CCNE2: variants seen among roughly 807,000 people sequenced by gnomAD.
The protein encoded by CCNE2 is G1/S-specific cyclin-E2.
CCNE2 carries 18 observed loss-of-function variants against 56.8 expected under a neutral mutation model. The observed-to-expected ratio is 0.32, with a 90% CI of 0.22 to 0.47. CCNE2 has a LOEUF of 0.47. Among genes scored for constraint, CCNE2 ranks in the 20% least tolerant of loss-of-function variants. CCNE2 has a pLI of 1.00. For missense variants in CCNE2, 371 were observed against 467.1 expected (o/e 0.79, Z 1.90); for synonymous variants, 139 against 149.2 (o/e 0.93, Z 0.50).
chr8:94,889,461 G>A (rs1466346959), intron 6 of CCNE2, among the ~76,000 whole-genome samples: 6 of 152,184 alleles, frequency 3.9e-5, no homozygotes, highest in Non-Finnish European at 2.9e-5. Context: ...TGCTTAAGTT[G>A]ATTCCATGAT....
chr8:94,893,081 A>C (rs1654303699), intron 4 of CCNE2, 112 bp from the exon 5 acceptor site: 1 of 810,474 alleles, frequency 1.2e-6, no homozygotes, highest in Admixed American at 3.7e-5. Context: ...ATTTTAGCTA[A>C]CATAGATGGC....
At chr8:94,895,389 C>A (rs530254777), upstream of CCNE2, 10 of 357,814 alleles carry the variant, frequency 2.8e-5, no homozygotes, top group Non-Finnish European at 3.5e-5. Flanking sequence ...CTCTACCGGG[C>A]CTTCTGCCCG....
In CCNE2 at chr8:94,881,494, A is replaced by G; in HGVS notation, c.*138T>C. On this transcript the variant is annotated 3_prime_UTR_variant, in exon 12 of 12. Coordinates refer to ENST00000308108, the MANE Select transcript of CCNE2 (RefSeq NM_057749.3). ...CTTTAGTGCCAATTGTAAGTTTTAA[A>G]ATCAGAATGGCAGTGTAACTTGTGA... The G allele has an allele frequency of 1.3e-6, 1 of 764,694 alleles. No individual in the cohort carries two copies. Among genetic ancestry groups the G allele is most frequent in the Non-Finnish European group, 2.1e-6 (1 of 474,860 alleles). The allele number at this position is 764,694 out of a possible 1,614,324, so 47.4% of individuals were successfully genotyped here.
rs28399576 is a variant in CCNE2, at chr8:94,884,526, T to TCTGC, written c.831+537_831+540dup. On this transcript the variant is annotated intron_variant, in intron 9 of 11. Coordinates refer to ENST00000308108, the MANE Select transcript of CCNE2 (RefSeq NM_057749.3). ...CGCCCAAACTCCTGACCTCAAGTGATCTGCCTGCCTGCCTCAGCCGCCCAA... is the reference window on the plus strand; with the variant it reads ...CGCCCAAACTCCTGACCTCAAGTGATCTGCCTGCCTGCCTGCCTCAGCCGCCCAA... 4.0e-3 allele frequency: 614 copies of TCTGC among 154,124 alleles called. 2 individuals carry two copies. The highest frequency in any genetic ancestry group is 6.2e-3 in the Non-Finnish European group (429 of 69,400). The allele number at this position is 154,124 out of a possible 1,614,324, so 9.5% of individuals were successfully genotyped here.
intron 10 of CCNE2, 100 bp from the exon 11 acceptor site, chr8:94,882,389 A>AAAG (rs1300159293): frequency 3.2e-6 from 3 of 942,196 alleles, no homozygotes; most frequent in Admixed American, 3.2e-5. Flanking sequence ...AGATATTTTA[A>AAAG]AAGAAACCAA....
chr8:94,880,502 G>T lies in CCNE2; in HGVS notation c.*1130C>A. 1 of 305,006 alleles carries T rather than the reference G, an allele frequency of 3.3e-6. No homozygotes were observed. The allele number at this position is 305,006 out of a possible 1,614,324, so 18.9% of individuals were successfully genotyped here. On this transcript the variant is annotated 3_prime_UTR_variant, in exon 12 of 12. Transcript: ENST00000308108. ...TCTAGTTTTCTAATCTACTTTATGA[G>T]GCTGGATTTTTTTTTTAGAAAAGCT...
At chr8:94,895,689 G>GCGGGGACCCGAGGGCCCGCCCCT (rs1563687745), upstream of CCNE2, 5 of 152,156 alleles carry the variant, frequency 3.3e-5, no homozygotes, top group Admixed American at 6.5e-5. Flanking sequence ...CCTGAGCGAC[G>GCGGGGACCCGAGGGCCCGCCCCT]CGGGGACCCG....
intron 5 of CCNE2, among the ~76,000 whole-genome samples, chr8:94,890,853 CA>C (rs1817215378): frequency 6.6e-6 from 1 of 152,024 alleles, no homozygotes; most frequent in South Asian, 2.1e-4. Context: ...CTCAGCCTCT[CA>C]AAGTGCTGGG....
chr8:94,892,966 A>G lies in CCNE2; in HGVS notation c.169T>C (p.Cys57Arg). The G allele has an allele frequency of 6.5e-7, 1 of 1,530,036 alleles. No homozygotes were observed. The highest frequency in any genetic ancestry group is 8.7e-7 in the Non-Finnish European group (1 of 1,152,184). 94.8% of individuals were successfully genotyped at this position (1,530,036 alleles called of 1,614,324 possible). A position where few individuals can be genotyped will look rare whatever the true frequency, so the allele number is the denominator to read the frequency against. The part of the protein sequence containing the change: ...TKKHQYEIRN[C>R]WPPVLSGGIS... ...CCCCCAGATAATACAGGTGGCCAACAATTCTGTCATAAAAAAAAAGAAAAA... is the reference window on the plus strand; with the variant it reads ...CCCCCAGATAATACAGGTGGCCAACGATTCTGTCATAAAAAAAAAGAAAAA... Residue 57 changes from cysteine (C) to arginine (R), a missense_variant, in exon 5 of 12, where the codon TGT (cysteine) becomes CGT (arginine). Transcript: ENST00000308108.
chr8:94,892,202 T>C, intron 5 of CCNE2: 1 of 405,860 alleles, frequency 2.5e-6, no homozygotes, highest in Non-Finnish European at 4.7e-6. Context: ...GTGATCACAG[T>C]CAAGAGAAGT....
In CCNE2 at chr8:94,894,014, T is replaced by A; in HGVS notation, c.111+9A>T. The stretch of plus-strand genomic sequence containing the variant: ...GAATTTCGTTCCTCCCTCTTTCTCC[T>A]TAAATCACCTGGGTAGTTTTCCTCT... On this transcript the variant is annotated intron_variant, in intron 3 of 11. Transcript: ENST00000308108. The A allele has an allele frequency of 6.2e-7, 1 of 1,613,964 alleles. No homozygotes were observed. The highest frequency in any genetic ancestry group is 8.5e-7 in the Non-Finnish European group (1 of 1,179,930).
chr8:94,883,426 A>T (rs1816909233), intron 9 of CCNE2, among the ~76,000 whole-genome samples: 1 of 152,220 alleles, frequency 6.6e-6, no homozygotes, highest in African/African-American at 2.4e-5. Flanking sequence ...GTCTTAAAAG[A>T]TAAGGGAGCC....
chr8:94,895,957 T>C (rs1049596371), upstream of CCNE2: 58 of 152,498 alleles, frequency 3.8e-4, 1 homozygote, highest in Non-Finnish European at 2.9e-5. Context: ...TCCGGCTCCC[T>C]GCTCCCCCTA....
chr8:94,890,572 ACC>A, intron 5 of CCNE2, 22 bp from the exon 6 acceptor site: 1 of 1,120,044 alleles, frequency 8.9e-7, no homozygotes, highest in Non-Finnish European at 1.2e-6. Flanking sequence ...GAGGAAAAAA[ACC>A]ATATATATAT....
At chr8:94,889,164 A>G (rs1222312336) in intron 6 of CCNE2, among the ~76,000 whole-genome samples, 2 of 151,986 alleles carry the variant, frequency 1.3e-5, no homozygotes, top group Non-Finnish European at 2.9e-5. Context: ...AAAAAAAAAG[A>G]ATGTCGAATT....
intron 7 of CCNE2, among the ~76,000 whole-genome samples, chr8:94,886,501 G>A (rs2131106701): frequency 6.6e-6 from 1 of 152,326 alleles, no homozygotes; most frequent in South Asian, 2.1e-4. Context: ...GAGCCCAGGA[G>A]TTTAAGACCA....
Position 94,882,988 on chromosome 8 carries a change from C to T in CCNE2, c.832-96G>A, listed in dbSNP as rs752090324. 1.2e-4 allele frequency: 98 copies of T among 817,326 alleles called. 1 individual carries two copies. The Middle Eastern group carries it at 1.8e-3, about 15-fold the overall frequency. The allele number at this position is 817,326 out of a possible 1,614,324, so 50.6% of individuals were successfully genotyped here. On this transcript the variant is annotated intron_variant, in intron 9 of 11. Transcript: ENST00000308108. ...TAGGGATCTAGAGATAAATAAGCCA[C>T]CACCCGGCCAGGCGCGGTGGCTCAC...
chr8:94,885,485 C>T lies in CCNE2; in HGVS notation c.674G>A (p.Arg225Lys), dbSNP rs1817001578. Residue 225 changes from arginine (R) to lysine (K), a missense_variant, in exon 8 of 12, where the codon AGG (arginine) becomes AAG (lysine). Transcript: ENST00000308108. ...DGACSEEDILRMELIILKALK... is the reference protein window; with the variant it reads ...DGACSEEDILKMELIILKALK... ...TACCTTTAATATAATGAGTTCCATC[C>T]TTAAGATATCCTCTTCACTGCAAGC... The T allele has an allele frequency of 3.1e-6, 5 of 1,602,354 alleles. No homozygotes were observed. The East Asian group carries it at 1.1e-4, about 36-fold the overall frequency.
In CCNE2 at chr8:94,881,687, T is replaced by C. The variant is rs28399585; in HGVS notation, c.1160A>G (p.Asn387Ser). The C allele has an allele frequency of 6.9e-3, 11,155 of 1,613,924 alleles. 761 individuals carry two copies. In the Admixed American group the frequency reaches 0.14, roughly 20 times the overall value. Residue 387 changes from asparagine to serine, a missense_variant, in exon 12 of 12, where the codon AAT (asparagine) becomes AGT (serine). Asn to Ser is a conservative substitution (Grantham distance 46). Coordinates refer to ENST00000308108, the MANE Select transcript of CCNE2 (RefSeq NM_057749.3). ...RKGGQLSPVC[N>S]GGIMTPPKST... The stretch of plus-strand genomic sequence containing the variant: ...CTTCGGTGGTGTCATAATGCCTCCA[T>C]TGCACACTGGTGACAACTGTCCCCC...
Sources: gnomAD v4.1 joint callset for allele counts (sites outside exome capture counted in the v4.1 genomes callset) on GRCh38, gnomAD v4.1.1 for gene constraint, MANE v1.5 for transcripts, NCBI Gene and HGNC (gene_info 2026-07-23, HGNC 2026-07-21) for gene names.